DGKG: variants seen among roughly 807,000 people sequenced by gnomAD.
DGKG encodes diacylglycerol kinase gamma, also known as DAG kinase gamma.
DGKG carries 78 observed loss-of-function variants against 105.3 expected under a neutral mutation model. The ratio of observed to expected loss-of-function variants is 0.74; its 90% CI spans 0.62 to 0.89. The LOEUF is 0.89. DGKG is among the 40% of genes least tolerant of loss of function. The pLI is 0.00. For missense variants in DGKG, 958 were observed against 1,020.1 expected (o/e 0.94, Z 0.83); for synonymous variants, 346 against 367.1 (o/e 0.94, Z 0.66).
intron 3 of DGKG, among the ~76,000 whole-genome samples, chr3:186,306,460 G>A (rs1387517648): frequency 6.6e-6 from 1 of 152,026 alleles, no homozygotes; most frequent in Non-Finnish European, 1.5e-5. Context: ...ATGCCTGTAA[G>A]TAGGCCAAAA....
chr3:186,215,980 C>A (rs1719269243), intron 20 of DGKG, among the ~76,000 whole-genome samples: 1 of 151,274 alleles, frequency 6.6e-6, no homozygotes, highest in Admixed American at 6.6e-5. Flanking sequence ...AAGCAAGACC[C>A]CTGCCCCACC....
chr3:186,197,970 G>C (rs570009122), intron 21 of DGKG, among the ~76,000 whole-genome samples: 5 of 152,270 alleles, frequency 3.3e-5, no homozygotes, highest in African/African-American at 1.2e-4. Flanking sequence ...TGTATATTCT[G>C]CCATGCATTT....
intron 20 of DGKG, among the ~76,000 whole-genome samples, chr3:186,225,988 A>T (rs148441025): frequency 6.6e-6 from 1 of 152,326 alleles, no homozygotes; most frequent in Non-Finnish European, 1.5e-5. Flanking sequence ...ATAAAATATC[A>T]TCCAAATCTA....
At chr3:186,275,303 C>A (rs531077266) in intron 10 of DGKG, among the ~76,000 whole-genome samples, 2 of 152,276 alleles carry the variant, frequency 1.3e-5, no homozygotes, top group South Asian at 4.1e-4. Flanking sequence ...TTAATAATTT[C>A]TTCTAGGGGG....
chr3:186,233,332 T>C (rs1477746035), intron 20 of DGKG, among the ~76,000 whole-genome samples: 2 of 152,130 alleles, frequency 1.3e-5, no homozygotes, highest in African/African-American at 4.8e-5. Flanking sequence ...CAAAGAGTGG[T>C]GACACCTGGA....
At chr3:186,339,154 C>G (rs931152288) in intron 1 of DGKG, among the ~76,000 whole-genome samples, 1 of 152,128 alleles carries the variant, frequency 6.6e-6, no homozygotes, top group African/African-American at 2.4e-5. Context: ...GTTCAATGGG[C>G]AATTATGCTT....
intron 2 of DGKG, among the ~76,000 whole-genome samples, chr3:186,314,780 A>G (rs949006569): frequency 4.6e-5 from 7 of 150,868 alleles, no homozygotes; most frequent in Admixed American, 6.6e-5. Flanking sequence ...AAAAAGTTCT[A>G]CACAGTCCAA....
chr3:186,304,892 G>T (rs1724150506), intron 3 of DGKG, among the ~76,000 whole-genome samples: 1 of 152,202 alleles, frequency 6.6e-6, no homozygotes, highest in South Asian at 2.1e-4. Flanking sequence ...ACCTGACCCT[G>T]CCAGTAGGAA....
At chr3:186,157,999 G>C in intron 24 of DGKG, 1 of 207,616 alleles carries the variant, frequency 4.8e-6, no homozygotes, top group Non-Finnish European at 8.4e-6. Context: ...CACCACGCCC[G>C]GCCTTGTTTT....
chr3:186,175,095 G>A (rs1422740912), intron 22 of DGKG, among the ~76,000 whole-genome samples: 1 of 152,122 alleles, frequency 6.6e-6, no homozygotes, highest in African/African-American at 2.4e-5. Flanking sequence ...CTAATTGTGT[G>A]ACCTGGAAAA....
chr3:186,190,200 C>G (rs142113314), intron 21 of DGKG, among the ~76,000 whole-genome samples: 6 of 152,284 alleles, frequency 3.9e-5, no homozygotes, highest in Non-Finnish European at 7.4e-5. Context: ...TCTCCTCCCT[C>G]TCACACTACT....
chr3:186,287,909 G>C (rs1723142957), intron 6 of DGKG, among the ~76,000 whole-genome samples: 1 of 152,030 alleles, frequency 6.6e-6, no homozygotes, highest in South Asian at 2.1e-4. Flanking sequence ...TCCCCTTACT[G>C]TCTACTTAAG....
chr3:186,286,803 G>A (rs1723091078), intron 6 of DGKG, among the ~76,000 whole-genome samples: 1 of 152,120 alleles, frequency 6.6e-6, no homozygotes, highest in Non-Finnish European at 1.5e-5. Flanking sequence ...GGAGGCCAAG[G>A]CGGGCGGATC....
intron 12 of DGKG, among the ~76,000 whole-genome samples, 184 bp from the exon 13 acceptor site, chr3:186,267,961 A>G (rs1722135887): frequency 1.3e-5 from 2 of 151,670 alleles, no homozygotes; most frequent in African/African-American, 2.4e-5. Context: ...TAAGGGTGCA[A>G]AGTCTGCTGT....
chr3:186,200,449 C>T (rs184236558), intron 21 of DGKG, among the ~76,000 whole-genome samples: 88 of 152,288 alleles, frequency 5.8e-4, no homozygotes, highest in African/African-American at 1.9e-3. Flanking sequence ...TGTCCAGTAA[C>T]GCAGCAGGCT....
At chr3:186,307,642 C>T (rs2239624) in intron 2 of DGKG, among the ~76,000 whole-genome samples, 76,725 of 152,044 alleles carry the variant, frequency 0.5, 20,289 homozygotes, top group Non-Finnish European at 0.57. Flanking sequence ...GAGCTGTTAA[C>T]TGGCTGGTGA....
At chr3:186,253,070 CCA>C in intron 18 of DGKG, 21 bp downstream of exon 18, 10 of 1,608,452 alleles carry the variant, frequency 6.2e-6, no homozygotes, top group Non-Finnish European at 7.7e-6. Flanking sequence ...TCCCAGGGTA[CCA>C]CCATTAGCAT....
intron 1 of DGKG, among the ~76,000 whole-genome samples, chr3:186,359,506 T>G (rs183612953): frequency 1.4e-4 from 22 of 152,294 alleles, no homozygotes; most frequent in Non-Finnish European, 2.9e-4. Flanking sequence ...TCAGACAGCC[T>G]GGGTTTGAAT....
At chr3:186,244,595 A>G (rs530215319) in intron 19 of DGKG, among the ~76,000 whole-genome samples, 10 of 151,700 alleles carry the variant, frequency 6.6e-5, no homozygotes, top group Admixed American at 2.6e-4. Context: ...TAGTAGAGAC[A>G]GTGTTTCACC....
Sources: gnomAD v4.1 joint callset for allele counts (sites outside exome capture counted in the v4.1 genomes callset) on GRCh38, gnomAD v4.1.1 for gene constraint, MANE v1.5 for transcripts, NCBI Gene and HGNC (gene_info 2026-07-23, HGNC 2026-07-21) for gene names.